THSD7A: variants seen among roughly 807,000 people sequenced by gnomAD.
The protein encoded by THSD7A is thrombospondin type 1 domain containing 7A.
THSD7A carries 96 observed loss-of-function variants against 231.3 expected under a neutral mutation model. The observed-to-expected ratio is 0.41, with a 90% CI of 0.35 to 0.49. The LOEUF is 0.49. Ranked by LOEUF, THSD7A falls within the 20% of genes least tolerant of loss-of-function variation. THSD7A has a pLI of 0.05. For missense variants in THSD7A, 2,290 were observed against 2,070.2 expected, an observed-to-expected ratio of 1.11 and a Z score of -2.06; for synonymous variants, 940 against 743.3, an observed-to-expected ratio of 1.26 and a Z score of -4.30.
Position 11,574,731 on chromosome 7 carries a change from C to G in THSD7A, c.1453+15729G>C, listed in dbSNP as rs529515347. Among the ~76,000 whole-genome samples the G allele has an allele frequency of 9.9e-5, 15 of 152,136 alleles. No homozygotes were observed. In the South Asian group the frequency reaches 3.1e-3, roughly 32 times the overall value. The stretch of plus-strand genomic sequence containing the variant: ...GATTACAGGCGTGAGCCACCGCGCC[C>G]GGCCAACAAAAACATTATCATACAT... On this transcript the variant is annotated intron_variant, in intron 4 of 27. Transcript: ENST00000423059.
At chr7:11,525,890 C>T (rs1788454200) in intron 6 of THSD7A, among the ~76,000 whole-genome samples, 1 of 152,134 alleles carries the variant, frequency 6.6e-6, no homozygotes, top group African/African-American at 2.4e-5. Context: ...TAACGTGTGA[C>T]TGGAAAGCAA....
intron 1 of THSD7A, among the ~76,000 whole-genome samples, chr7:11,785,782 C>T (rs544307130): frequency 1.3e-5 from 2 of 152,218 alleles, no homozygotes; most frequent in East Asian, 3.9e-4. Context: ...TTGAAAATAT[C>T]CTACCCTCAA....
intron 1 of THSD7A, among the ~76,000 whole-genome samples, chr7:11,673,169 C>G (rs1387693018): frequency 6.6e-6 from 1 of 152,090 alleles, no homozygotes; most frequent in Non-Finnish European, 1.5e-5. Flanking sequence ...CACTGAGCAC[C>G]TGGACTGGCC....
At chr7:11,787,515 A>C (rs564431003) in intron 1 of THSD7A, among the ~76,000 whole-genome samples, 17 of 152,258 alleles carry the variant, frequency 1.1e-4, no homozygotes, top group African/African-American at 4.1e-4. Context: ...CAACTGATAA[A>C]TGACTGTTAT....
Position 11,406,291 on chromosome 7 carries a change from C to A in THSD7A, c.4237+9G>T. ...AATCAGAATATGAATTCTCCTTTGC[C>A]GTTGTTACCTGGGCAAGGCTGGCTG... is the stretch of plus-strand genomic sequence containing the variant. On this transcript the variant is annotated intron_variant, in intron 22 of 27. Transcript: ENST00000423059. This position sits in a 1 kb window ranked among gnomAD's most constrained non-coding sequence, Gnocchi z 4.7. 6.3e-7 allele frequency: 1 copy of A among 1,597,744 alleles called. No individual in the cohort carries two copies. The highest frequency in any genetic ancestry group is 8.5e-7 in the Non-Finnish European group (1 of 1,173,104).
intron 27 of THSD7A, 125 bp from the exon 28 acceptor site, chr7:11,376,003 A>AT: frequency 2.6e-6 from 2 of 773,112 alleles, no homozygotes; most frequent in East Asian, 5.1e-5. Context: ...TGCGTTGCCT[A>AT]AAGTCTATCT....
rs1461405590 is a variant in THSD7A at position 11,469,926 on chromosome 7, A to C, written c.2321T>G (p.Val774Gly). The change falls in exon 9 of 28, where the codon GTG becomes GGG. Residue 774 changes from valine to glycine, a missense_variant. Coordinates refer to ENST00000423059, the MANE Select transcript of THSD7A (RefSeq NM_015204.3). ...TGATGTCCAGTCACTATATGGGGTC[A>C]CAATACAGTCCTTCTTACAAGGAAG... ...CLLPCKKDCI[V>G]TPYSDWTSCP... 6.2e-7 allele frequency: 1 copy of C among 1,603,628 alleles called. No individual in the cohort carries two copies. The highest frequency in any genetic ancestry group is 8.5e-7 in the Non-Finnish European group (1 of 1,174,560).
At chr7:11,471,981 A>C (rs78203762) in intron 8 of THSD7A, among the ~76,000 whole-genome samples, 4,267 of 152,232 alleles carry the variant, frequency 0.028, 129 homozygotes, top group East Asian at 0.16. Context: ...AAATCAATGA[A>C]ATTTACAATG....
chr7:11,518,047 T>C (rs1427673593), intron 6 of THSD7A, among the ~76,000 whole-genome samples: 1 of 152,178 alleles, frequency 6.6e-6, no homozygotes, highest in East Asian at 1.9e-4. Context: ...GCTTGACTGC[T>C]TGCTGGATGG....
chr7:11,381,780 G>C (rs371655555), intron 24 of THSD7A, among the ~76,000 whole-genome samples: 3 of 152,240 alleles, frequency 2.0e-5, no homozygotes, highest in Non-Finnish European at 2.9e-5. Flanking sequence ...AAATTTGCTT[G>C]GTGGTTCACT....
chr7:11,662,833 G>A (rs1782981006), intron 1 of THSD7A, among the ~76,000 whole-genome samples: 2 of 151,336 alleles, frequency 1.3e-5, no homozygotes, highest in East Asian at 3.9e-4. Flanking sequence ...CAAAGAAGGA[G>A]TCACAACTGA....
intron 6 of THSD7A, among the ~76,000 whole-genome samples, chr7:11,502,184 G>T (rs1047679033): frequency 3.3e-5 from 5 of 152,124 alleles, no homozygotes; most frequent in Non-Finnish European, 7.3e-5. Flanking sequence ...GGACCTAAAA[G>T]ATTCATAGGT....
chr7:11,660,749 A>G (rs1440293969), intron 1 of THSD7A, among the ~76,000 whole-genome samples: 2 of 151,514 alleles, frequency 1.3e-5, no homozygotes, highest in African/African-American at 4.8e-5. Flanking sequence ...ACTTGTCATA[A>G]CCAGAAGACA....
intron 6 of THSD7A, among the ~76,000 whole-genome samples, chr7:11,510,991 T>C (rs971398998): frequency 6.7e-6 from 1 of 150,302 alleles, no homozygotes; most frequent in East Asian, 2.0e-4. Flanking sequence ...AGGAAGTCAA[T>C]TGTCCCTGTT....
At chr7:11,743,696 C>CT (rs5882321) in intron 1 of THSD7A, among the ~76,000 whole-genome samples, 31,918 of 151,630 alleles carry the variant, frequency 0.21, 4,660 homozygotes, top group African/African-American at 0.41. Context: ...GGACAATACT[C>CT]TAAGTTGTGT....
In THSD7A at chr7:11,634,843, T is replaced by A. The variant is rs538134738; in HGVS notation, c.1022+1287A>T. Among the ~76,000 whole-genome samples, 6 of 152,062 alleles carry A rather than the reference T, an allele frequency of 3.9e-5. No homozygotes were observed. The highest frequency in any genetic ancestry group is 1.2e-4 in the African/African-American group (5 of 41,404). On this transcript the variant is annotated intron_variant, in intron 2 of 27. Transcript: ENST00000423059. This position sits in a 1 kb window ranked among gnomAD's most constrained non-coding sequence, Gnocchi z 4.1. ...AAAGTTATTGTCTTAGACAGACCAATCAATTTTTGTTTATCTAATTAAACT... is the reference window on the plus strand; with the variant it reads ...AAAGTTATTGTCTTAGACAGACCAAACAATTTTTGTTTATCTAATTAAACT...
chr7:11,447,052 C>T (rs1784993528), intron 12 of THSD7A, among the ~76,000 whole-genome samples, 178 bp downstream of exon 12: 2 of 152,202 alleles, frequency 1.3e-5, no homozygotes, highest in South Asian at 2.1e-4. Context: ...TCAAGCCTTC[C>T]TTTTCTTTTT....
intron 1 of THSD7A, among the ~76,000 whole-genome samples, chr7:11,724,125 G>T (rs1393602862): frequency 6.6e-6 from 1 of 151,958 alleles, no homozygotes; most frequent in East Asian, 1.9e-4. Flanking sequence ...TATGTTAAAA[G>T]AATATATGTG....
intron 1 of THSD7A, among the ~76,000 whole-genome samples, chr7:11,754,110 C>T (rs148349518): frequency 1.3e-5 from 2 of 151,890 alleles, no homozygotes; most frequent in Non-Finnish European, 1.5e-5. Context: ...AACCATCTCC[C>T]AGGAAGCCCC....
Sources: allele counts gnomAD v4.1 joint callset (sites outside exome capture counted in the v4.1 genomes callset), GRCh38; gene constraint gnomAD v4.1.1; non-coding constraint Gnocchi (gnomAD v3.1); transcripts MANE v1.5; gene names NCBI Gene and HGNC (gene_info 2026-07-23, HGNC 2026-07-21).